Variants in ZNF565 observed in about 807,000 individuals in gnomAD.
ZNF565 encodes the protein zinc finger protein 565.
A neutral mutation model predicts 39.4 loss-of-function variants in ZNF565; 27 were observed. The observed-to-expected ratio is 0.69, with a 90% CI of 0.51 to 0.95. The LOEUF is 0.95. Ranked by LOEUF, ZNF565 falls within the 40% of genes least tolerant of loss-of-function variation. The pLI is 0.00. For synonymous variants in ZNF565, 185 were observed against 216.6 expected, an observed-to-expected ratio of 0.85 and a Z score of 1.28; for missense variants, 524 against 621.1, an observed-to-expected ratio of 0.84 and a Z score of 1.66.
At chr19:36,228,286 C>T (rs1977171187) in intron 1 of ZNF565, among the ~76,000 whole-genome samples, 1 of 152,062 alleles carries the variant, frequency 6.6e-6, no homozygotes. Flanking sequence ...ACATTGTGCC[C>T]ATGTGCTTTA....
At chr19:36,228,247 T>A (rs1192806233) in intron 1 of ZNF565, among the ~76,000 whole-genome samples, 1 of 132,222 alleles carries the variant, frequency 7.6e-6, no homozygotes, top group Non-Finnish European at 1.6e-5. Context: ...TGAGTTTTTA[T>A]TCTTGAGTAC....
chr19:36,243,796 G>A (rs1977837046), intron 1 of ZNF565, among the ~76,000 whole-genome samples: 1 of 151,754 alleles, frequency 6.6e-6, no homozygotes, highest in Non-Finnish European at 1.5e-5. Flanking sequence ...TGACCCCTTG[G>A]GCTCAAGTGA....
intron 1 of ZNF565, among the ~76,000 whole-genome samples, chr19:36,240,976 C>T (rs1373279740): frequency 3.3e-5 from 5 of 152,202 alleles, no homozygotes; most frequent in Admixed American, 2.6e-4. Flanking sequence ...TGTCTTTCCT[C>T]CATGGGATGA....
intron 1 of ZNF565, among the ~76,000 whole-genome samples, chr19:36,211,436 C>A (rs993163231): frequency 7.4e-6 from 1 of 135,244 alleles, no homozygotes; most frequent in Non-Finnish European, 1.6e-5. Context: ...AAGAGCCAAA[C>A]TCCAACTCTC....
intron 3 of ZNF565, 51 bp from the exon 4 acceptor site, chr19:36,194,379 A>C: frequency 1.4e-6 from 2 of 1,435,348 alleles, no homozygotes; most frequent in Non-Finnish European, 1.9e-6. Context: ...CAAAATCCAA[A>C]CCCAGTTCCC....
rs966735211 is a variant in ZNF565 at position 36,213,723 on chromosome 19, G to A, written c.-66+899C>T. Among the ~76,000 whole-genome samples the A allele has an allele frequency of 1.4e-4, 21 of 147,068 alleles. 1 individual carries two copies. The highest frequency in any genetic ancestry group is 4.5e-5 in the Non-Finnish European group (3 of 66,668). On this transcript the variant is annotated intron_variant, in intron 1 of 4. Coordinates refer to ENST00000304116, the MANE Select transcript of ZNF565 (RefSeq NM_152477.5). ...TTTTTTTTTTGTACAGGCCAGGCTG[G>A]TCTCGAACTCCTGGGCTCAAGTGAT... is the stretch of plus-strand genomic sequence containing the variant.
intron 1 of ZNF565, among the ~76,000 whole-genome samples, chr19:36,208,906 C>T (rs1976251726): frequency 6.6e-6 from 1 of 152,132 alleles, no homozygotes; most frequent in Admixed American, 6.5e-5. Flanking sequence ...GATCACAGCT[C>T]ATTGCAACCT....
intron 1 of ZNF565, among the ~76,000 whole-genome samples, chr19:36,230,833 G>T (rs919021810): frequency 2.6e-5 from 4 of 152,020 alleles, no homozygotes; most frequent in Middle Eastern, 3.2e-3. Flanking sequence ...ACTGAGTCTT[G>T]CTCTGTCACC....
chr19:36,231,096 C>T (rs1358997927), intron 1 of ZNF565, among the ~76,000 whole-genome samples: 2 of 152,152 alleles, frequency 1.3e-5, no homozygotes, highest in African/African-American at 2.4e-5. Flanking sequence ...ACGTGACACG[C>T]GTAAACGTGA....
At chr19:36,216,495 A>C (rs139705504), upstream of ZNF565, among the ~76,000 whole-genome samples, 368 of 151,936 alleles carry the variant, frequency 2.4e-3, 1 homozygote, top group African/African-American at 8.1e-3. Context: ...AAATAAAATA[A>C]AAAAATACAA....
intron 1 of ZNF565, chr19:36,237,983 T>C (rs571547721): frequency 6.0e-6 from 1 of 167,170 alleles, no homozygotes; most frequent in East Asian, 1.9e-4. Flanking sequence ...CTTGGAACAA[T>C]TTGAGAAATA....
chr19:36,202,584 A>T (rs1293066661), intron 1 of ZNF565, among the ~76,000 whole-genome samples: 1 of 152,126 alleles, frequency 6.6e-6, no homozygotes, highest in Non-Finnish European at 1.5e-5. Context: ...ACTTGGCCCT[A>T]GATGGGGCCT....
rs151202974 is a variant in ZNF565, at chr19:36,239,400, A to G, written c.55+6076T>C. On this transcript the variant is annotated intron_variant, in intron 1 of 4. Coordinates refer to the ZNF565 transcript ENST00000355114. The stretch of plus-strand genomic sequence containing the variant: ...CATGGCAGGATCTTGGCTCACTGCA[A>G]TCTCCTCTGCTTACTGGGCTCAAGC... Among the ~76,000 whole-genome samples the G allele has an allele frequency of 4.8e-4, 72 of 149,222 alleles. 1 individual carries two copies. The East Asian group carries it at 0.011, about 22-fold the overall frequency.
chr19:36,214,777 C>CTCTTATCTCT, upstream of ZNF565: 1 of 152,788 alleles, frequency 6.5e-6, no homozygotes, highest in South Asian at 2.1e-4. Context: ...ATCTCTGAGT[C>CTCTTATCTCT]GGGGCCTGGC....
intron 1 of ZNF565, among the ~76,000 whole-genome samples, chr19:36,205,103 G>A (rs1209390845): frequency 1.3e-5 from 2 of 152,188 alleles, no homozygotes; most frequent in African/African-American, 4.8e-5. Context: ...GAGGACATAG[G>A]TGACCAATAA....
chr19:36,206,236 C>CCCA lies in ZNF565; in HGVS notation c.-65-4187_-65-4186insTGG, dbSNP rs1471116590. ...TCAGCCTCCCAAAGTGCTGGGATTA[C>CCCA]AGGTGTGGGCCATTGTGTCTGGCTG... On this transcript the variant is annotated intron_variant, in intron 1 of 4. Transcript: ENST00000304116. Among the ~76,000 whole-genome samples the CCCA allele has an allele frequency of 2.6e-5, 4 of 152,196 alleles. 1 individual carries two copies. The East Asian group carries it at 7.7e-4, about 29-fold the overall frequency.
chr19:36,218,197 T>C (rs1976694311), upstream of ZNF565: 1 of 151,102 alleles, frequency 6.6e-6, no homozygotes, highest in South Asian at 2.1e-4. Context: ...GGACCTCAGG[T>C]AGGTACTTAA....
At chr19:36,225,983 G>C (rs1599971601) in intron 1 of ZNF565, among the ~76,000 whole-genome samples, 1 of 151,582 alleles carries the variant, frequency 6.6e-6, no homozygotes, top group African/African-American at 2.4e-5. Flanking sequence ...TGCCTAGGCT[G>C]GTCTTGAACT....
At chr19:36,217,101 T>C (rs1976645259), upstream of ZNF565, among the ~76,000 whole-genome samples, 1 of 133,620 alleles carries the variant, frequency 7.5e-6, no homozygotes, top group African/African-American at 2.8e-5. Context: ...CTCTCTCTCT[T>C]GCCCAGTCTA....
Sources: gnomAD v4.1 joint callset for allele counts (sites outside exome capture counted in the v4.1 genomes callset) on GRCh38, gnomAD v4.1.1 for gene constraint, MANE v1.5 for transcripts, NCBI Gene and HGNC (gene_info 2026-07-23, HGNC 2026-07-21) for gene names.